The following LHFPL3 variants were observed in gnomAD, a reference collection of about 807,000 sequenced individuals.
LHFPL3 encodes the protein LHFPL tetraspan subfamily member 3, also known as LHFPL tetraspan subfamily member 3 protein.
LHFPL3 carries 5 observed loss-of-function variants against 19.3 expected under a neutral mutation model. That is an observed-to-expected ratio of 0.26 (90% confidence interval 0.14 to 0.54). The LOEUF is 0.54. Ranked by LOEUF, LHFPL3 falls within the 20% of genes least tolerant of loss-of-function variation. The pLI is 0.94. For synonymous variants in LHFPL3, 133 were observed against 126.2 expected, an observed-to-expected ratio of 1.05 and a Z score of -0.36; for missense variants, 249 against 307.4, an observed-to-expected ratio of 0.81 and a Z score of 1.42.
At chr7:104,733,012 G>A (rs1157122106) in intron 1 of LHFPL3, among the ~76,000 whole-genome samples, 1 of 152,194 alleles carries the variant, frequency 6.6e-6, no homozygotes, top group African/African-American at 2.4e-5. Flanking sequence ...AGGTTGTTCA[G>A]TTTCCATGTA....
intron 2 of LHFPL3, among the ~76,000 whole-genome samples, chr7:104,896,814 G>A (rs976878922): frequency 2.6e-5 from 4 of 152,132 alleles, no homozygotes; most frequent in Non-Finnish European, 4.4e-5. Context: ...GGCTGGGCTC[G>A]GTGGCTCATG....
chr7:104,667,756 C>A (rs1420553246), intron 1 of LHFPL3: 1 of 1,586,074 alleles, frequency 6.3e-7, no homozygotes, highest in Non-Finnish European at 8.6e-7. Context: ...AACATGGCGG[C>A]CTCAGCAAAA....
At chr7:104,413,579 G>C (rs1791570498) in intron 1 of LHFPL3, among the ~76,000 whole-genome samples, 1 of 152,188 alleles carries the variant, frequency 6.6e-6, no homozygotes, top group African/African-American at 2.4e-5. Flanking sequence ...GTCAGAGGTG[G>C]AGTGGGAATG....
intron 2 of LHFPL3, among the ~76,000 whole-genome samples, chr7:104,823,313 T>C (rs1790714120): frequency 6.6e-6 from 1 of 152,224 alleles, no homozygotes; most frequent in Admixed American, 6.5e-5. Context: ...TAAACAGCTA[T>C]GTGACCCATG....
rs545777902 is a variant in LHFPL3 at position 104,808,044 on chromosome 7, T to C, written c.682+71133T>C. Among the ~76,000 whole-genome samples the C allele has an allele frequency of 1.6e-4, 24 of 152,324 alleles. No individual in the cohort carries two copies. The Middle Eastern group carries it at 0.01, about 65-fold the overall frequency. On this transcript the variant is annotated intron_variant, in intron 2 of 2. Transcript: ENST00000424859. ...CTCGGCTGAAGAGGGAGAGGTGGCA[T>C]GATACGTTCACATTACAGCCGTGCC...
At chr7:104,847,250 G>A (rs146300165) in intron 2 of LHFPL3, among the ~76,000 whole-genome samples, 13 of 152,284 alleles carry the variant, frequency 8.5e-5, no homozygotes, top group Admixed American at 3.3e-4. Flanking sequence ...AGACCCAACA[G>A]GTGAACAAGG....
At chr7:104,458,399 C>T in intron 1 of LHFPL3, among the ~76,000 whole-genome samples, 1 of 152,262 alleles carries the variant, frequency 6.6e-6, no homozygotes, top group African/African-American at 2.4e-5. Context: ...TTGTTTTTGT[C>T]AGGTTTGTCA....
intron 1 of LHFPL3, among the ~76,000 whole-genome samples, chr7:104,714,908 GCTCA>G (rs1184394091): frequency 3.3e-5 from 5 of 152,020 alleles, no homozygotes; most frequent in Non-Finnish European, 7.4e-5. Context: ...ATGTGTACAT[GCTCA>G]CTCTATATAT....
intron 1 of LHFPL3, among the ~76,000 whole-genome samples, chr7:104,363,773 T>G (rs1214036158): frequency 6.6e-6 from 1 of 152,194 alleles, no homozygotes; most frequent in East Asian, 1.9e-4. Context: ...CTCTTAAAGC[T>G]TTCACCCAGA....
intron 2 of LHFPL3, among the ~76,000 whole-genome samples, chr7:104,782,125 C>G (rs761854778): frequency 2.6e-5 from 4 of 152,306 alleles, no homozygotes; most frequent in Non-Finnish European, 4.4e-5. Flanking sequence ...CTGGGCTGGG[C>G]TGGAGGTTCT....
At chr7:104,561,264 C>G (rs1789992605) in intron 1 of LHFPL3, among the ~76,000 whole-genome samples, 2 of 148,504 alleles carry the variant, frequency 1.3e-5, no homozygotes, top group Non-Finnish European at 2.9e-5. Context: ...GTTGATCTGT[C>G]TAATGTTGAC....
At chr7:104,793,774 T>C (rs1790067796) in intron 2 of LHFPL3, among the ~76,000 whole-genome samples, 2 of 152,210 alleles carry the variant, frequency 1.3e-5, no homozygotes, top group Admixed American at 1.3e-4. Context: ...TTGAATGTGG[T>C]TTTCCTTCCC....
chr7:104,357,583 GAAAC>G (rs1790304815), intron 1 of LHFPL3, among the ~76,000 whole-genome samples: 2 of 152,158 alleles, frequency 1.3e-5, no homozygotes, highest in Non-Finnish European at 2.9e-5. Context: ...TTCAATGAGA[GAAAC>G]AAAACCAAAA....
chr7:104,472,497 A>T (rs1039752191), intron 1 of LHFPL3, among the ~76,000 whole-genome samples: 1 of 152,232 alleles, frequency 6.6e-6, no homozygotes, highest in Non-Finnish European at 1.5e-5. Flanking sequence ...CCACCCAGAG[A>T]TCACTACTAT....
intron 2 of LHFPL3, among the ~76,000 whole-genome samples, chr7:104,844,397 A>G (rs1032832265): frequency 6.6e-6 from 1 of 152,254 alleles, no homozygotes; most frequent in African/African-American, 2.4e-5. Context: ...CTGTGTGTGT[A>G]CAATTGATTT....
At chr7:104,578,754 A>G (rs1790397551) in intron 1 of LHFPL3, among the ~76,000 whole-genome samples, 1 of 152,114 alleles carries the variant, frequency 6.6e-6, no homozygotes, top group Non-Finnish European at 1.5e-5. Context: ...TCTTCACTCT[A>G]AATTCAAGGC....
chr7:104,821,763 A>T (rs1383836433), intron 2 of LHFPL3, among the ~76,000 whole-genome samples: 2 of 152,206 alleles, frequency 1.3e-5, no homozygotes, highest in Non-Finnish European at 2.9e-5. Flanking sequence ...GACTTGGAAA[A>T]ACAGGAGTTC....
intron 1 of LHFPL3, among the ~76,000 whole-genome samples, chr7:104,400,156 A>G (rs959888227): frequency 1.4e-5 from 2 of 140,030 alleles, no homozygotes; most frequent in African/African-American, 5.2e-5. Flanking sequence ...AAGACTCTAC[A>G]GGAGAGCTGA....
In LHFPL3 at chr7:104,357,352, C is replaced by A. The variant is rs139537599; in HGVS notation, c.445+28128C>A. On this transcript the variant is annotated intron_variant, in intron 1 of 2. Transcript: ENST00000424859. ...CCAGGTTAACAAATATAAATGTGAA[C>A]CCAGGATACAGATAGAGTCAGGTCT... Among the ~76,000 whole-genome samples the A allele has an allele frequency of 9.3e-3, 1,420 of 152,234 alleles. 84 individuals are homozygous for A. Among genetic ancestry groups the A allele is most frequent in the Admixed American group, 0.085 (1,306 of 15,284 alleles).
Sources: allele counts gnomAD v4.1 joint callset (sites outside exome capture counted in the v4.1 genomes callset), GRCh38; gene constraint gnomAD v4.1.1; transcripts MANE v1.5; gene names NCBI Gene and HGNC (gene_info 2026-07-23, HGNC 2026-07-21).